The following AGO2 variants were observed in gnomAD, a reference collection of about 807,000 sequenced individuals.
The protein encoded by AGO2 is argonaute RISC catalytic component 2, also known as protein argonaute-2.
Under a neutral mutation model 102.3 loss-of-function variants are expected in AGO2, and 5 were observed. That is an observed-to-expected ratio of 0.05 (90% confidence interval 0.03 to 0.10). AGO2 has a LOEUF of 0.10. AGO2 is among the 10% of genes least tolerant of loss of function. The pLI is 1.00. For missense variants in AGO2, 541 were observed against 1,183.7 expected, an observed-to-expected ratio of 0.46 and a Z score of 7.97; for synonymous variants, 449 against 473.1, an observed-to-expected ratio of 0.95 and a Z score of 0.66.
chr8:140,561,103 C>A lies in AGO2; in HGVS notation c.519-593G>T, dbSNP rs1420470516. ...AGGGCCAGCGTGAGGGCTTCACAAC[C>A]TCTTCCGGGCCTGCTAGGGATGCTG... On this transcript the variant is annotated intron_variant, in intron 4 of 18. Transcript: ENST00000220592. 3.3e-5 allele frequency among the ~76,000 whole-genome samples: 5 copies of A among 152,384 alleles called. No homozygotes were observed. In the East Asian group the frequency reaches 9.6e-4, roughly 29 times the overall value.
In AGO2 at chr8:140,553,308, C is replaced by T. The variant is rs1420606310; in HGVS notation, c.1270-1872G>A. The stretch of plus-strand genomic sequence containing the variant: ...CTGAGGTGGGAGGAACGCTTGAGCC[C>T]GGAAGGTCAGGGCTGTAGTGAGCTA... On this transcript the variant is annotated intron_variant, in intron 10 of 18. Transcript: ENST00000220592. 5.3e-5 allele frequency among the ~76,000 whole-genome samples: 8 copies of T among 151,900 alleles called. No homozygotes were observed. The East Asian group carries it at 7.7e-4, about 15-fold the overall frequency.
chr8:140,579,154 T>C (rs943926395), intron 2 of AGO2, among the ~76,000 whole-genome samples: 6 of 151,942 alleles, frequency 3.9e-5, no homozygotes, highest in Non-Finnish European at 7.4e-5. Flanking sequence ...CCTCGGGAGG[T>C]TGAGGTTGCA....
intron 1 of AGO2, among the ~76,000 whole-genome samples, chr8:140,622,134 A>G (rs1427922666): frequency 1.3e-5 from 2 of 152,262 alleles, no homozygotes; most frequent in African/African-American, 2.4e-5. Context: ...AGGAGACACA[A>G]GAGTTCACTG....
chr8:140,617,076 C>A (rs2074150642), intron 1 of AGO2, among the ~76,000 whole-genome samples: 1 of 152,150 alleles, frequency 6.6e-6, no homozygotes, highest in Non-Finnish European at 1.5e-5. Context: ...GAGAGTGGAC[C>A]CCCCTCATCC....
chr8:140,552,305 TCAGCTCTCAGC>T (rs567496636), intron 10 of AGO2, among the ~76,000 whole-genome samples: 12 of 152,204 alleles, frequency 7.9e-5, no homozygotes, highest in East Asian at 3.8e-4. Flanking sequence ...AAATGCGCTG[TCAGCTCTCAGC>T]CAGCTCTCAG....
chr8:140,541,319 C>T lies in AGO2; in HGVS notation c.1879G>A (p.Ala627Thr). 1 of 1,612,096 alleles carries T rather than the reference C, an allele frequency of 6.2e-7. No individual in the cohort carries two copies. Among genetic ancestry groups the T allele is most frequent in the Non-Finnish European group, 8.5e-7 (1 of 1,179,604 alleles). The stretch of plus-strand genomic sequence containing the variant: ...CGGTGCTGCTGCACGCGCACGGTGG[C>T]GCAGTAGCGATTGGGGTGGGCGTCC... ...SMDAHPNRYCATVRVQQHRQE... is the reference protein window; with the variant it reads ...SMDAHPNRYCTTVRVQQHRQE... Residue 627 changes from alanine (A) to threonine (T), a missense_variant, in exon 15 of 19, where the codon GCC becomes ACC. Transcript: ENST00000220592.
At position 140,597,466 on chromosome 8, in the gene AGO2, GCCCCC is replaced by G. The variant is rs201167667; in HGVS notation, c.23-12160_23-12156del. Among the ~76,000 whole-genome samples the G allele has an allele frequency of 1.0e-4, 5 of 48,442 alleles. No homozygotes were observed. The South Asian group carries it at 3.8e-3, about 36-fold the overall frequency. The allele number at this position is 48,442 out of a possible 152,430, so 31.8% of individuals were successfully genotyped here. A position where few individuals can be genotyped will look rare whatever the true frequency, so the allele number is the denominator to read the frequency against. ...CACGGACACCGATGGGGGCTGGGTG[GCCCCC>G]CCACCCCCCCCCCCCCGCCCCAGGC... On this transcript the variant is annotated intron_variant, in intron 1 of 18. Coordinates refer to ENST00000220592, the MANE Select transcript of AGO2 (RefSeq NM_012154.5).
Position 140,531,857 on chromosome 8 carries a change from T to A in AGO2, c.*187A>T. On this transcript the variant is annotated 3_prime_UTR_variant, in exon 19 of 19. Transcript: ENST00000220592. The stretch of plus-strand genomic sequence containing the variant: ...CTATGACATTGGGTTCTCATACAGG[T>A]CTGCAGTTCAAAATCCAAGTTTGAA... 1.7e-6 allele frequency: 1 copy of A among 583,146 alleles called. No individual in the cohort carries two copies. The highest frequency in any genetic ancestry group is 3.1e-6 in the Non-Finnish European group (1 of 323,998). 36.1% of individuals were successfully genotyped at this position (583,146 alleles called of 1,614,324 possible).
intron 3 of AGO2, among the ~76,000 whole-genome samples, chr8:140,569,109 C>A (rs1245056806): frequency 6.6e-6 from 1 of 152,244 alleles, no homozygotes; most frequent in African/African-American, 2.4e-5. Flanking sequence ...CCAGACACCC[C>A]CATCCCAGGT....
At chr8:140,542,976 A>G (rs1443828583) in intron 14 of AGO2, among the ~76,000 whole-genome samples, 1 of 152,156 alleles carries the variant, frequency 6.6e-6, no homozygotes, top group East Asian at 1.9e-4. Context: ...CCATCTCTAT[A>G]AAATACAAAA....
intron 1 of AGO2, among the ~76,000 whole-genome samples, chr8:140,593,550 TAA>T (rs201599088): frequency 0.59 from 79,377 of 135,512 alleles, 23,027 homozygotes; most frequent in African/African-American, 0.69. Flanking sequence ...CTAGGAAAGT[TAA>T]AAAAAAAAAA....
chr8:140,544,883 G>A (rs1052225926), intron 13 of AGO2, among the ~76,000 whole-genome samples: 3 of 152,308 alleles, frequency 2.0e-5, no homozygotes, highest in African/African-American at 7.2e-5. Context: ...GACTTCCCTG[G>A]GAGGCAGCAC....
intron 1 of AGO2, among the ~76,000 whole-genome samples, chr8:140,627,349 A>G (rs2074291528): frequency 6.6e-6 from 1 of 152,204 alleles, no homozygotes; most frequent in Non-Finnish European, 1.5e-5. Context: ...AATAAGGCAA[A>G]CCTGACAAAC....
chr8:140,565,641 C>CA (rs34444857), intron 3 of AGO2, among the ~76,000 whole-genome samples: 4,371 of 110,588 alleles, frequency 0.04, 105 homozygotes, highest in Non-Finnish European at 0.058. Context: ...GACTCTGTCT[C>CA]AAAAAAAAAA....
chr8:140,549,624 G>A (rs903223692), intron 11 of AGO2, among the ~76,000 whole-genome samples: 1 of 152,284 alleles, frequency 6.6e-6, no homozygotes, highest in Non-Finnish European at 1.5e-5. Context: ...CCCCAGGGCA[G>A]TGATGCGATG....
chr8:140,588,883 C>T (rs943232199), intron 1 of AGO2, among the ~76,000 whole-genome samples: 2 of 152,226 alleles, frequency 1.3e-5, no homozygotes, highest in African/African-American at 2.4e-5. Context: ...ACAGCCGTGC[C>T]GTGTTCACTG....
At chr8:140,620,167 C>T (rs995337588) in intron 1 of AGO2, among the ~76,000 whole-genome samples, 2 of 152,216 alleles carry the variant, frequency 1.3e-5, no homozygotes, top group African/African-American at 2.4e-5. Flanking sequence ...CTTCAGGCAA[C>T]AGCACCGGCC....
intron 5 of AGO2, among the ~76,000 whole-genome samples, chr8:140,559,996 TCA>T (rs35960659): frequency 0.15 from 23,153 of 152,184 alleles, 2,143 homozygotes; most frequent in African/African-American, 0.26. Flanking sequence ...CTCGTCTTTT[TCA>T]CAGAGAGGGC....
chr8:140,600,169 A>G (rs1564109789), intron 1 of AGO2, among the ~76,000 whole-genome samples: 1 of 152,266 alleles, frequency 6.6e-6, no homozygotes, highest in Admixed American at 6.5e-5. Flanking sequence ...CCTATGTGTG[A>G]GCAACGATTA....
Sources: gnomAD v4.1 joint callset for allele counts (sites outside exome capture counted in the v4.1 genomes callset) on GRCh38, gnomAD v4.1.1 for gene constraint, MANE v1.5 for transcripts, NCBI Gene and HGNC (gene_info 2026-07-23, HGNC 2026-07-21) for gene names.